Variants in LPAR6 observed in about 807,000 individuals in gnomAD.
LPAR6 encodes the protein lysophosphatidic acid receptor 6.
Under a neutral mutation model 22.0 loss-of-function variants are expected in LPAR6, and 17 were observed. The observed-to-expected ratio is 0.77, with a 90% confidence interval of 0.53 to 1.16. The LOEUF (loss-of-function observed/expected upper bound fraction) is 1.16, where lower values mean the gene tolerates loss of function less well. Ranked by LOEUF, LPAR6 falls within the 50% of genes most tolerant of loss-of-function variation. LPAR6 has a pLI of 0.00. For missense variants in LPAR6, 384 were observed against 406.9 expected, an observed-to-expected ratio of 0.94 and a Z score of 0.48; for synonymous variants, 136 against 139.8, an observed-to-expected ratio of 0.97 and a Z score of 0.19.
chr13:48,432,947 A>G (rs1393431061), intron 1 of LPAR6, among the ~76,000 whole-genome samples: 1 of 152,148 alleles, frequency 6.6e-6, no homozygotes, highest in African/African-American at 2.4e-5. Flanking sequence ...TTATGCTTAT[A>G]TAGTTGAAAT....
intron 1 of LPAR6, among the ~76,000 whole-genome samples, chr13:48,436,924 T>A (rs766378320): frequency 1.3e-5 from 2 of 152,212 alleles, no homozygotes; most frequent in Non-Finnish European, 2.9e-5. Context: ...TTCCACTTCC[T>A]CTATTGTTAA....
intron 1 of LPAR6, among the ~76,000 whole-genome samples, chr13:48,401,634 A>C (rs936013420): frequency 6.6e-6 from 1 of 152,158 alleles, no homozygotes; most frequent in East Asian, 1.9e-4. Context: ...TGGTGTTGTT[A>C]CTAATTTACT....
At chr13:48,426,549 CCT>C (rs1286721083) in intron 1 of LPAR6, 1 of 152,212 alleles carries the variant, frequency 6.6e-6, no homozygotes, top group Non-Finnish European at 1.5e-5. Flanking sequence ...AGCACTGGAT[CCT>C]AGAAATTCAG....
chr13:48,438,476 T>C (rs574532006), intron 1 of LPAR6, among the ~76,000 whole-genome samples: 1 of 152,342 alleles, frequency 6.6e-6, no homozygotes, highest in East Asian at 1.9e-4. Context: ...TAGTTGTCTC[T>C]TCTGATTTTC....
chr13:48,404,113 C>A (rs1255579334), intron 1 of LPAR6: 1 of 152,214 alleles, frequency 6.6e-6, no homozygotes, highest in Non-Finnish European at 1.5e-5. Context: ...AAGCCCCATG[C>A]TGTTGTGCAG....
At chr13:48,419,164 A>T (rs1272588002) in intron 2 of LPAR6, among the ~76,000 whole-genome samples, 1 of 152,230 alleles carries the variant, frequency 6.6e-6, no homozygotes, top group African/African-American at 2.4e-5. Context: ...CAAATGCAAA[A>T]CAATGGAAAT....
upstream of LPAR6, among the ~76,000 whole-genome samples, chr13:48,414,821 T>G (rs1033802087): frequency 2.0e-5 from 3 of 152,160 alleles, no homozygotes; most frequent in African/African-American, 7.2e-5. Flanking sequence ...ATACTTAAAA[T>G]TTTGAAGGGT....
chr13:48,440,130 TA>T (rs1949222669), intron 1 of LPAR6, among the ~76,000 whole-genome samples: 1 of 152,008 alleles, frequency 6.6e-6, no homozygotes, highest in Non-Finnish European at 1.5e-5. Context: ...ATCTTGGGAG[TA>T]AAAGGGAAAC....
chr13:48,391,870 G>C (rs914216206), intron 1 of LPAR6, among the ~76,000 whole-genome samples: 3 of 151,866 alleles, frequency 2.0e-5, no homozygotes, highest in African/African-American at 7.3e-5. Context: ...GCCTGCCTCG[G>C]CCTCCTCCCA....
chr13:48,418,840 A>C (rs1322884383), intron 2 of LPAR6, among the ~76,000 whole-genome samples: 1 of 152,198 alleles, frequency 6.6e-6, no homozygotes, highest in Non-Finnish European at 1.5e-5. Flanking sequence ...AGAGCTAACT[A>C]TCCTAAGTAT....
At chr13:48,438,548 A>C (rs1949205914) in intron 1 of LPAR6, among the ~76,000 whole-genome samples, 1 of 150,478 alleles carries the variant, frequency 6.6e-6, no homozygotes, top group South Asian at 2.1e-4. Flanking sequence ...TTTTTTATTT[A>C]CTTATCTGTT....
At chr13:48,436,237 GT>G (rs1949182337) in intron 1 of LPAR6, among the ~76,000 whole-genome samples, 1 of 152,178 alleles carries the variant, frequency 6.6e-6, no homozygotes, top group Non-Finnish European at 1.5e-5. Flanking sequence ...TATTTGAGAT[GT>G]TTGCCACATA....
At chr13:48,402,027 A>G (rs1948696488) in intron 1 of LPAR6, among the ~76,000 whole-genome samples, 1 of 152,114 alleles carries the variant, frequency 6.6e-6, no homozygotes, top group African/African-American at 2.4e-5. Context: ...TAGTTTTTAT[A>G]TTAGGTTTTA....
At chr13:48,416,699 C>G (rs374027431), upstream of LPAR6, 2 of 152,378 alleles carry the variant, frequency 1.3e-5, no homozygotes, top group African/African-American at 4.8e-5. Context: ...GAAACTCTTA[C>G]TGCCAGCACA....
Position 48,412,449 on chromosome 13 carries a change from T to A in LPAR6, c.-26A>T, listed in dbSNP as rs910106971. On this transcript the variant is annotated 5_prime_UTR_variant, in exon 1 of 1. Transcript: ENST00000620633. Reference sequence around the variant, plus strand: ...CGTAAAGGCACGTCCAATTTTCAGTTTGGAAGCACTTTCATCAGCTGCAGT... The same window carrying A: ...CGTAAAGGCACGTCCAATTTTCAGTATGGAAGCACTTTCATCAGCTGCAGT... 2.0e-6 allele frequency: 3 copies of A among 1,524,292 alleles called. No individual in the cohort carries two copies. The African/African-American group carries it at 4.1e-5, about 21-fold the overall frequency. The allele number at this position is 1,524,292 out of a possible 1,614,324, so 94.4% of individuals were successfully genotyped here. A position where few individuals can be genotyped will look rare whatever the true frequency, so the allele number is the denominator to read the frequency against.
intron 1 of LPAR6, among the ~76,000 whole-genome samples, chr13:48,392,120 C>CT (rs1478522983): frequency 1.3e-5 from 2 of 150,534 alleles, no homozygotes; most frequent in Admixed American, 6.6e-5. Context: ...TTCTTTTTTT[C>CT]TTTTTTTTGA....
chr13:48,395,567 A>G (rs1278086093), intron 1 of LPAR6, among the ~76,000 whole-genome samples: 1 of 151,958 alleles, frequency 6.6e-6, no homozygotes, highest in East Asian at 1.9e-4. Context: ...ACACAACACG[A>G]GGACTTTGTG....
chr13:48,431,656 G>GAGC (rs1289529316), upstream of LPAR6, among the ~76,000 whole-genome samples: 13 of 151,992 alleles, frequency 8.6e-5, no homozygotes, highest in Non-Finnish European at 1.5e-5. Context: ...TAGAAGATAC[G>GAGC]AGCACTACTC....
At chr13:48,429,966 A>G (rs773369362), upstream of LPAR6, among the ~76,000 whole-genome samples, 1 of 152,230 alleles carries the variant, frequency 6.6e-6, no homozygotes, top group Admixed American at 6.5e-5. Context: ...AAATCTATAC[A>G]TTTAATGCCA....
Sources: allele counts gnomAD v4.1 joint callset (sites outside exome capture counted in the v4.1 genomes callset), GRCh38; gene constraint gnomAD v4.1.1; transcripts MANE v1.5; gene names NCBI Gene and HGNC (gene_info 2026-07-23, HGNC 2026-07-21).